ALCAM: variants seen among roughly 807,000 people sequenced by gnomAD.
The protein encoded by ALCAM is activated leukocyte cell adhesion molecule.
A neutral mutation model predicts 70.9 loss-of-function variants in ALCAM; 30 were observed. The ratio of observed to expected loss-of-function variants is 0.42; its 90% CI spans 0.32 to 0.57. The LOEUF (loss-of-function observed/expected upper bound fraction) is 0.57. Ranked by LOEUF, ALCAM falls within the 20% of genes least tolerant of loss-of-function variation. The pLI, the probability that ALCAM is intolerant of heterozygous loss-of-function variation, is 0.11. For missense variants in ALCAM, 591 were observed against 695.1 expected (o/e 0.85, Z 1.68); for synonymous variants, 249 against 242.5 (o/e 1.03, Z -0.25).
chr3:105,546,975 T>G (rs1205103482), intron 9 of ALCAM, among the ~76,000 whole-genome samples, 174 bp from the exon 10 acceptor site: 1 of 151,494 alleles, frequency 6.6e-6, no homozygotes, highest in East Asian at 1.9e-4. Context: ...CATGTCTGAC[T>G]CTAAAACAAC....
chr3:105,531,898 A>G, intron 3 of ALCAM, 104 bp from the exon 4 acceptor site: 2 of 911,718 alleles, frequency 2.2e-6, no homozygotes, highest in Admixed American at 1.8e-5. Flanking sequence ...TCTGTTGCTT[A>G]TTCTTCTGTA....
chr3:105,418,595 T>C (rs375316040), intron 1 of ALCAM, among the ~76,000 whole-genome samples: 2 of 151,964 alleles, frequency 1.3e-5, no homozygotes, highest in African/African-American at 4.8e-5. Flanking sequence ...AATTGGGTTA[T>C]GTTTTTCTCT....
intron 1 of ALCAM, among the ~76,000 whole-genome samples, chr3:105,483,431 G>T (rs188381319): frequency 2.0e-5 from 3 of 152,082 alleles, no homozygotes; most frequent in African/African-American, 7.2e-5. Flanking sequence ...CGAAACCCAG[G>T]GTGACTCCCA....
intron 1 of ALCAM, among the ~76,000 whole-genome samples, chr3:105,371,477 A>G (rs1350782148): frequency 6.6e-6 from 1 of 151,640 alleles, no homozygotes; most frequent in African/African-American, 2.4e-5. Flanking sequence ...CCACTTAATT[A>G]TCACTTTTAT....
intron 1 of ALCAM, among the ~76,000 whole-genome samples, chr3:105,429,453 G>T (rs1297315344): frequency 6.6e-6 from 1 of 151,948 alleles, no homozygotes; most frequent in Non-Finnish European, 1.5e-5. Flanking sequence ...TAAAGGTAAT[G>T]ACCTGGTATT....
intron 12 of ALCAM, among the ~76,000 whole-genome samples, chr3:105,551,869 A>G (rs1461855579): frequency 6.6e-6 from 1 of 151,596 alleles, no homozygotes; most frequent in Admixed American, 6.6e-5. Context: ...GGGAAAATCA[A>G]TATGGATTTC....
In ALCAM at chr3:105,497,929, G is replaced by C. The variant is rs181035778; in HGVS notation, c.74-22138G>C. On this transcript the variant is annotated intron_variant, in intron 1 of 15. Coordinates refer to ENST00000306107, the MANE Select transcript of ALCAM (RefSeq NM_001627.4). ...ACCTGTAGTCCCAGCTACTCGGGAG[G>C]CTGAGGCAGGATAATGGTGTGAACC... Among the ~76,000 whole-genome samples, 858 of 152,030 alleles carry C rather than the reference G, an allele frequency of 5.6e-3. 3 individuals are homozygous for C. The highest frequency in any genetic ancestry group is 0.02 in the African/African-American group (813 of 41,426).
chr3:105,454,247 C>A (rs1461550032), intron 1 of ALCAM, among the ~76,000 whole-genome samples: 1 of 152,020 alleles, frequency 6.6e-6, no homozygotes, highest in Non-Finnish European at 1.5e-5. Context: ...TATTCATATC[C>A]ACAGTGACGA....
At chr3:105,450,955 T>C (rs529178637) in intron 1 of ALCAM, among the ~76,000 whole-genome samples, 1 of 151,802 alleles carries the variant, frequency 6.6e-6, no homozygotes, top group Non-Finnish European at 1.5e-5. Context: ...ATTCCAAACA[T>C]GTAGAGGGAG....
At chr3:105,546,986 A>C (rs1205270665) in intron 9 of ALCAM, among the ~76,000 whole-genome samples, 163 bp from the exon 10 acceptor site, 1 of 151,506 alleles carries the variant, frequency 6.6e-6, no homozygotes. Context: ...CTAAAACAAC[A>C]AAAGAAAAAG....
At chr3:105,526,895 A>G (rs1039281106) in intron 3 of ALCAM, among the ~76,000 whole-genome samples, 2 of 152,158 alleles carry the variant, frequency 1.3e-5, no homozygotes, top group Non-Finnish European at 2.9e-5. Flanking sequence ...ACCGTGTACC[A>G]TAGAATCAAG....
At chr3:105,546,066 T>A (rs1386593387) in intron 9 of ALCAM, among the ~76,000 whole-genome samples, 2 of 151,404 alleles carry the variant, frequency 1.3e-5, no homozygotes, top group African/African-American at 4.8e-5. Context: ...GTGTGACTGA[T>A]AATTGGTGAT....
intron 1 of ALCAM, among the ~76,000 whole-genome samples, chr3:105,503,760 C>T (rs1257378283): frequency 6.6e-6 from 1 of 152,160 alleles, no homozygotes; most frequent in Non-Finnish European, 1.5e-5. Flanking sequence ...GCCTTTCCTT[C>T]CATCACCTCC....
At chr3:105,385,954 A>G (rs1000229346) in intron 1 of ALCAM, among the ~76,000 whole-genome samples, 16 of 151,616 alleles carry the variant, frequency 1.1e-4, no homozygotes, top group Non-Finnish European at 2.2e-4. Flanking sequence ...GTTCAGTTCC[A>G]TAACTGAACC....
At chr3:105,566,454 T>G (rs1004894591) in intron 14 of ALCAM, among the ~76,000 whole-genome samples, 3 of 152,346 alleles carry the variant, frequency 2.0e-5, no homozygotes, top group East Asian at 3.9e-4. Context: ...TCTCATTATC[T>G]CTGATAATTA....
In ALCAM at chr3:105,515,178, C is replaced by A. The variant is rs1337709775; in HGVS notation, c.74-4889C>A. 2.0e-5 allele frequency among the ~76,000 whole-genome samples: 3 copies of A among 151,888 alleles called. No individual in the cohort carries two copies. In the East Asian group the frequency reaches 5.8e-4, roughly 29 times the overall value. ...GGAGAAGCTGAGAGATAAGATAACT[C>A]CATGTGATTGAATCATAAAATCTCA... On this transcript the variant is annotated intron_variant, in intron 1 of 15. Transcript: ENST00000306107.
At chr3:105,541,820 A>G (rs1033226192) in intron 8 of ALCAM, 55 bp downstream of exon 8, 1 of 1,583,724 alleles carries the variant, frequency 6.3e-7, no homozygotes, top group Non-Finnish European at 8.6e-7. Context: ...CTAATAGCTT[A>G]ATGTAGCTAT....
At chr3:105,534,179 C>T (rs1053221768) in intron 5 of ALCAM, among the ~76,000 whole-genome samples, 1 of 152,122 alleles carries the variant, frequency 6.6e-6, no homozygotes, top group African/African-American at 2.4e-5. Flanking sequence ...TGGGGAGTGG[C>T]TGTAAATACA....
chr3:105,510,259 A>C (rs951066770), intron 1 of ALCAM, among the ~76,000 whole-genome samples: 3 of 152,048 alleles, frequency 2.0e-5, no homozygotes, highest in African/African-American at 7.2e-5. Context: ...CAGTCTAAGG[A>C]AGGTTCATCA....
Sources: allele counts gnomAD v4.1 joint callset (sites outside exome capture counted in the v4.1 genomes callset), GRCh38; gene constraint gnomAD v4.1.1; transcripts MANE v1.5; gene names NCBI Gene and HGNC (gene_info 2026-07-23, HGNC 2026-07-21).